The following PRMT3 variants were observed in gnomAD, a reference collection of about 807,000 sequenced individuals.
The protein encoded by PRMT3 is protein arginine methyltransferase 3.
In PRMT3, 62 loss-of-function variants were observed where a neutral mutation model predicts 71.9. That is an observed-to-expected ratio of 0.86 (90% CI 0.70 to 1.07). The LOEUF (loss-of-function observed/expected upper bound fraction) is 1.07. PRMT3 is among the 50% of genes least tolerant of loss of function. The pLI is 0.00. For synonymous variants in PRMT3, 213 were observed against 220.4 expected, an observed-to-expected ratio of 0.97 and a Z score of 0.30; for missense variants, 663 against 643.0, an observed-to-expected ratio of 1.03 and a Z score of -0.34.
chr11:20,490,077 C>G (rs1188284896), intron 13 of PRMT3, among the ~76,000 whole-genome samples: 1 of 150,404 alleles, frequency 6.6e-6, no homozygotes, highest in Non-Finnish European at 1.5e-5. Flanking sequence ...TTCAGAGCAG[C>G]AATCTTCCAC....
intron 9 of PRMT3, among the ~76,000 whole-genome samples, chr11:20,413,079 T>C (rs61876931): frequency 0.82 from 124,385 of 151,746 alleles, 52,901 homozygotes; most frequent in Non-Finnish European, 0.95. Context: ...TTAAAACCTA[T>C]GGATGTTTGA....
intron 9 of PRMT3, among the ~76,000 whole-genome samples, chr11:20,409,239 T>G (rs1331558661): frequency 6.6e-6 from 1 of 152,212 alleles, no homozygotes; most frequent in Non-Finnish European, 1.5e-5. Flanking sequence ...AGAACAAGTT[T>G]GAATCAAGCT....
chr11:20,508,072 C>A (rs1851635568), intron 15 of PRMT3, among the ~76,000 whole-genome samples: 1 of 150,982 alleles, frequency 6.6e-6, no homozygotes, highest in African/African-American at 2.4e-5. Context: ...CACCAGTGCA[C>A]TCCAGCCTGG....
chr11:20,443,627 G>A (rs1250239889), intron 10 of PRMT3, among the ~76,000 whole-genome samples: 1 of 152,166 alleles, frequency 6.6e-6, no homozygotes, highest in Non-Finnish European at 1.5e-5. Context: ...CCACCATGGG[G>A]GATTGGGAAT....
intron 10 of PRMT3, among the ~76,000 whole-genome samples, chr11:20,444,782 T>C (rs546156478): frequency 2.8e-4 from 42 of 152,262 alleles, no homozygotes; most frequent in African/African-American, 1.0e-3. Context: ...GTCTTTTAAA[T>C]CCTTATTTAT....
At chr11:20,465,430 A>G (rs1850489479) in intron 13 of PRMT3, among the ~76,000 whole-genome samples, 1 of 151,988 alleles carries the variant, frequency 6.6e-6, no homozygotes, top group Admixed American at 6.6e-5. Context: ...GGAAAATTGT[A>G]TTGTCAGAAT....
intron 10 of PRMT3, among the ~76,000 whole-genome samples, chr11:20,435,393 G>A (rs1389015925): frequency 6.6e-6 from 1 of 151,968 alleles, no homozygotes; most frequent in African/African-American, 2.4e-5. Context: ...GTAGAGATGG[G>A]GTTTTGCCAT....
chr11:20,454,671 A>G (rs1288836752), intron 11 of PRMT3, among the ~76,000 whole-genome samples: 1 of 152,154 alleles, frequency 6.6e-6, no homozygotes, highest in African/African-American at 2.4e-5. Context: ...TCATTGTTTT[A>G]TCACAAAGCA....
At chr11:20,408,553 C>T (rs1360932828) in intron 9 of PRMT3, among the ~76,000 whole-genome samples, 5 of 152,080 alleles carry the variant, frequency 3.3e-5, no homozygotes, top group Admixed American at 3.3e-4. Context: ...AACTTTTATT[C>T]TCTAAAAATC....
intron 15 of PRMT3, among the ~76,000 whole-genome samples, chr11:20,506,438 G>T (rs1052997410): frequency 1.3e-5 from 2 of 151,496 alleles, no homozygotes; most frequent in East Asian, 3.9e-4. Flanking sequence ...TGCACCTTGG[G>T]CCACATTATT....
intron 15 of PRMT3, among the ~76,000 whole-genome samples, chr11:20,495,271 C>T (rs1851306413): frequency 6.6e-6 from 1 of 152,194 alleles, no homozygotes. Flanking sequence ...CCATCTCGGC[C>T]TTCCAAAGTG....
intron 10 of PRMT3, among the ~76,000 whole-genome samples, chr11:20,429,704 G>A (rs1170654986): frequency 2.6e-5 from 4 of 152,174 alleles, no homozygotes; most frequent in Non-Finnish European, 5.9e-5. Flanking sequence ...GCCTTTCCTT[G>A]TTTTAAGTGA....
intron 2 of PRMT3, among the ~76,000 whole-genome samples, chr11:20,388,865 A>G (rs967757473): frequency 1.3e-5 from 2 of 152,260 alleles, no homozygotes; most frequent in Admixed American, 6.5e-5. Flanking sequence ...GCAAGTAGGC[A>G]TGAAAGAGGC....
At chr11:20,494,724 G>A (rs942762880) in intron 15 of PRMT3, among the ~76,000 whole-genome samples, 1 of 152,088 alleles carries the variant, frequency 6.6e-6, no homozygotes, top group Non-Finnish European at 1.5e-5. Flanking sequence ...TTTAATTAAA[G>A]ACATAATTTA....
At chr11:20,409,961 A>C (rs1171340603) in intron 9 of PRMT3, among the ~76,000 whole-genome samples, 1 of 152,066 alleles carries the variant, frequency 6.6e-6, no homozygotes, top group Non-Finnish European at 1.5e-5. Flanking sequence ...AGTCTTATGA[A>C]AGCTATTTCT....
intron 9 of PRMT3, among the ~76,000 whole-genome samples, chr11:20,423,715 A>G (rs1325280996): frequency 6.6e-6 from 1 of 151,788 alleles, no homozygotes; most frequent in African/African-American, 2.4e-5. Flanking sequence ...AAAGATTTTA[A>G]AGAATTTAGT....
In PRMT3 at chr11:20,494,161, A is replaced by C. The variant is rs200759340; in HGVS notation, c.1399-6A>C. On this transcript the variant is annotated splice_region_variant and splice_polypyrimidine_tract_variant and intron_variant, in intron 14 of 15. Coordinates refer to ENST00000331079, the MANE Select transcript of PRMT3 (RefSeq NM_005788.4). ...CATCAAATACCTTTGAACTTTACCA[A>C]TTCAGGTCGTGTTCTCTACGGGCCC... 9 of 1,596,290 alleles carry C rather than the reference A, an allele frequency of 5.6e-6. No individual in the cohort carries two copies. In the South Asian group the frequency reaches 9.9e-5, roughly 18 times the overall value.
intron 13 of PRMT3, among the ~76,000 whole-genome samples, chr11:20,488,543 A>G (rs762018231): frequency 1.2e-4 from 18 of 152,178 alleles, no homozygotes; most frequent in Non-Finnish European, 2.5e-4. Context: ...TCAAAAGCAC[A>G]TTATCCTCCT....
At chr11:20,398,052 C>CA (rs1049862401) in intron 7 of PRMT3, among the ~76,000 whole-genome samples, 2 of 148,444 alleles carry the variant, frequency 1.3e-5, no homozygotes, top group Non-Finnish European at 1.5e-5. Flanking sequence ...AGGCATCAGT[C>CA]ATTTGTACAT....
Sources: gnomAD v4.1 joint callset for allele counts (sites outside exome capture counted in the v4.1 genomes callset) on GRCh38, gnomAD v4.1.1 for gene constraint, MANE v1.5 for transcripts, NCBI Gene and HGNC (gene_info 2026-07-23, HGNC 2026-07-21) for gene names.